The following PHACTR4 variants were observed in gnomAD, a reference collection of about 807,000 sequenced individuals.
PHACTR4 encodes the protein phosphatase and actin regulator 4.
In PHACTR4, 51 loss-of-function variants were observed where a neutral mutation model predicts 72.7. The observed-to-expected ratio is 0.70, with a 90% CI of 0.56 to 0.89. The LOEUF (loss-of-function observed/expected upper bound fraction) is 0.89, where lower values mean the gene tolerates loss of function less well. Ranked by LOEUF, PHACTR4 falls within the 40% of genes least tolerant of loss-of-function variation. The pLI is 0.00. For synonymous variants in PHACTR4, 255 were observed against 302.5 expected, an observed-to-expected ratio of 0.84 and a Z score of 1.63; for missense variants, 731 against 861.8, an observed-to-expected ratio of 0.85 and a Z score of 1.90.
In PHACTR4 at chr1:28,466,682, C is replaced by T. The variant is rs1204325103; in HGVS notation, c.737C>T (p.Thr246Ile). The change falls in exon 6 of 14, where the codon ACC becomes ATC. Residue 246 changes from threonine to isoleucine, a missense_variant. Coordinates refer to ENST00000373839, the MANE Select transcript of PHACTR4 (RefSeq NM_001048183.3). ...AAPASTNTTA[T>I]PSLTHMVPAK... is the part of the protein sequence containing the mutation. ...CCTGCCAGCACTAACACTACTGCTA[C>T]CCCAAGCCTCACTCATATGGTCCCT... 1 of 1,613,952 alleles carries T rather than the reference C, an allele frequency of 6.2e-7. No individual in the cohort carries two copies. Among genetic ancestry groups the T allele is most frequent in the African/African-American group, 1.3e-5 (1 of 74,930 alleles).
chr1:28,394,022 A>T (rs919688568), intron 1 of PHACTR4, among the ~76,000 whole-genome samples: 7 of 151,812 alleles, frequency 4.6e-5, no homozygotes, highest in South Asian at 2.1e-4. Flanking sequence ...CTTATTTTTT[A>T]AAAAAGTTAA....
chr1:28,396,026 T>G (rs984308706), intron 1 of PHACTR4, among the ~76,000 whole-genome samples: 2 of 149,814 alleles, frequency 1.3e-5, no homozygotes, highest in African/African-American at 5.0e-5. Flanking sequence ...AAGAACATGA[T>G]TGTAAGTCTC....
At chr1:28,456,196 G>T (rs1658373662) in intron 2 of PHACTR4, among the ~76,000 whole-genome samples, 1 of 152,060 alleles carries the variant, frequency 6.6e-6, no homozygotes, top group Admixed American at 6.6e-5. Context: ...TTCTGGGGAG[G>T]TCTCAGGAAA....
chr1:28,425,486 GTTC>G (rs1234697862), intron 2 of PHACTR4, among the ~76,000 whole-genome samples: 1 of 152,200 alleles, frequency 6.6e-6, no homozygotes, highest in East Asian at 1.9e-4. Context: ...AGTCATCCTA[GTTC>G]TTCTACAGGA....
chr1:28,464,048 T>TTC (rs1445907677), intron 4 of PHACTR4, among the ~76,000 whole-genome samples: 1 of 150,292 alleles, frequency 6.7e-6, no homozygotes, highest in African/African-American at 2.5e-5. Context: ...CCATTTCTTT[T>TTC]TTTTTTTTTT....
chr1:28,437,878 C>CA (rs1038522979), intron 2 of PHACTR4, among the ~76,000 whole-genome samples: 9 of 152,178 alleles, frequency 5.9e-5, no homozygotes, highest in African/African-American at 2.2e-4. Context: ...GTCTAAAACA[C>CA]ACCTTTGAAT....
chr1:28,476,787 T>TTTTTTTTTTTTTTA (rs1659951822), intron 8 of PHACTR4, among the ~76,000 whole-genome samples: 2 of 143,500 alleles, frequency 1.4e-5, no homozygotes, highest in African/African-American at 5.2e-5. Context: ...TTTTTTTTTT[T>TTTTTTTTTTTTTTA]GAGACGGAGT....
chr1:28,406,802 T>C (rs1392039053), intron 1 of PHACTR4, among the ~76,000 whole-genome samples: 2 of 152,204 alleles, frequency 1.3e-5, no homozygotes, highest in Admixed American at 1.3e-4. Flanking sequence ...TAGTCAACTT[T>C]CTTTTGAAAC....
intron 12 of PHACTR4, among the ~76,000 whole-genome samples, chr1:28,492,485 G>A (rs769504735): frequency 6.6e-6 from 1 of 151,372 alleles, no homozygotes; most frequent in Non-Finnish European, 1.5e-5. Context: ...AAACTAGCCA[G>A]GTGCAGTGGC....
intron 9 of PHACTR4, among the ~76,000 whole-genome samples, chr1:28,487,419 G>A (rs1050547328): frequency 6.7e-6 from 1 of 150,284 alleles, no homozygotes; most frequent in Non-Finnish European, 1.5e-5. Context: ...GATCCTTGAG[G>A]TAGGAGGATC....
intron 6 of PHACTR4, among the ~76,000 whole-genome samples, chr1:28,469,194 T>A (rs1659406897): frequency 1.3e-5 from 2 of 152,208 alleles, no homozygotes; most frequent in South Asian, 4.1e-4. Context: ...ATAAATGGTT[T>A]ACTTAATATC....
chr1:28,432,359 A>G (rs982807877), intron 2 of PHACTR4, among the ~76,000 whole-genome samples: 4 of 147,448 alleles, frequency 2.7e-5, no homozygotes, highest in African/African-American at 1.0e-4. Context: ...AGGCTAGAGG[A>G]TCTCTCTCTC....
At chr1:28,486,103 T>A (rs1316881111) in intron 9 of PHACTR4, among the ~76,000 whole-genome samples, 1 of 152,042 alleles carries the variant, frequency 6.6e-6, no homozygotes, top group Non-Finnish European at 1.5e-5. Context: ...ACCCCTGTAA[T>A]CCCAGCACTT....
At chr1:28,484,714 T>C (rs1226032034) in intron 9 of PHACTR4, among the ~76,000 whole-genome samples, 1 of 151,750 alleles carries the variant, frequency 6.6e-6, no homozygotes, top group Non-Finnish European at 1.5e-5. Flanking sequence ...ATGCCTGTAA[T>C]CCCAGCACTT....
chr1:28,444,243 T>TTTTC lies in PHACTR4; in HGVS notation c.17-14841_17-14840insTTCT, dbSNP rs1553194313. 2.1e-4 allele frequency among the ~76,000 whole-genome samples: 20 copies of TTTTC among 97,422 alleles called. 4 individuals carry two copies. The South Asian group carries it at 2.4e-3, about 11-fold the overall frequency. 63.9% of individuals were successfully genotyped at this position (97,422 alleles called of 152,430 possible). A position where few individuals can be genotyped will look rare whatever the true frequency, so the allele number is the denominator to read the frequency against. On this transcript the variant is annotated intron_variant, in intron 2 of 13. Coordinates refer to ENST00000373839, the MANE Select transcript of PHACTR4 (RefSeq NM_001048183.3). The stretch of plus-strand genomic sequence containing the variant: ...TTTTTTTTTTTTTTTTTTTTTTTTT[T>TTTTC]TGAGACAGAGTCTTGCTCTGTCGCC...
chr1:28,451,849 A>G (rs35865093), intron 2 of PHACTR4, among the ~76,000 whole-genome samples: 15,695 of 151,790 alleles, frequency 0.1, 1,877 homozygotes, highest in African/African-American at 0.29. Context: ...ATGTTGCTCA[A>G]GCTGATCTTA....
intron 2 of PHACTR4, among the ~76,000 whole-genome samples, chr1:28,429,753 G>A (rs1459214424): frequency 3.3e-5 from 5 of 152,168 alleles, no homozygotes; most frequent in Admixed American, 2.6e-4. Flanking sequence ...TGCCCACAAG[G>A]AATTTCTAGC....
chr1:28,386,495 G>A (rs890637177), intron 1 of PHACTR4, among the ~76,000 whole-genome samples: 3 of 151,992 alleles, frequency 2.0e-5, no homozygotes, highest in South Asian at 2.1e-4. Flanking sequence ...TTTCTGTCTC[G>A]ATGATCTAAT....
intron 2 of PHACTR4, chr1:28,457,335 C>T (rs186617369): frequency 1.9e-4 from 86 of 447,210 alleles, no homozygotes; most frequent in African/African-American, 1.6e-3. Flanking sequence ...TGGTACACAC[C>T]TTTAATCCCA....
Sources: gnomAD v4.1 joint callset for allele counts (sites outside exome capture counted in the v4.1 genomes callset) on GRCh38, gnomAD v4.1.1 for gene constraint, MANE v1.5 for transcripts, NCBI Gene and HGNC (gene_info 2026-07-23, HGNC 2026-07-21) for gene names.